The following EPB41 variants were observed in gnomAD, a reference collection of about 807,000 sequenced individuals.
EPB41 encodes erythrocyte membrane protein band 4.1, also known as protein 4.1.
Under a neutral mutation model 108.0 loss-of-function variants are expected in EPB41, and 65 were observed. The observed-to-expected ratio is 0.60, with a 90% CI of 0.49 to 0.74. The LOEUF (loss-of-function observed/expected upper bound fraction) is 0.74. EPB41 is among the 30% of genes least tolerant of loss of function. The probability of loss-of-function intolerance (pLI) is 0.00; values close to 1 mark genes in which losing one functional copy is unlikely to be tolerated. For synonymous variants in EPB41, 336 were observed against 358.9 expected, an observed-to-expected ratio of 0.94 and a Z score of 0.72; for missense variants, 875 against 1,037.0, an observed-to-expected ratio of 0.84 and a Z score of 2.15.
rs1054794144 is a variant in EPB41 at position 29,018,562 on chromosome 1, T to C, written c.1124+120T>C. The C allele has an allele frequency of 9.5e-7, 1 of 1,048,802 alleles. No homozygotes were observed. Among genetic ancestry groups the C allele is most frequent in the Non-Finnish European group, 1.5e-6 (1 of 682,542 alleles). 65.0% of individuals were successfully genotyped at this position (1,048,802 alleles called of 1,614,324 possible). A position where few individuals can be genotyped will look rare whatever the true frequency, so the allele number is the denominator to read the frequency against. ...GGTGCCATAGAAAGAGTCAGTTTCC[T>C]CCACTGTTTGACTTTGGGCAGGTTA... On this transcript the variant is annotated intron_variant, in intron 7 of 20. Transcript: ENST00000343067. This position sits in a 1 kb window ranked among gnomAD's most constrained non-coding sequence, Gnocchi z 4.4.
intron 1 of EPB41, among the ~76,000 whole-genome samples, chr1:28,958,081 T>G (rs1000290542): frequency 2.0e-5 from 3 of 152,118 alleles, no homozygotes; most frequent in South Asian, 4.1e-4. Context: ...TTCCAAAGTG[T>G]TGGGATTATA....
chr1:28,905,505 A>AC (rs1380357081), intron 1 of EPB41, among the ~76,000 whole-genome samples: 2 of 151,730 alleles, frequency 1.3e-5, no homozygotes, highest in Admixed American at 6.6e-5. Context: ...CAAAAAAAAA[A>AC]AACAACAAAA....
chr1:29,047,035 T>C (rs1643425913), intron 11 of EPB41, among the ~76,000 whole-genome samples: 2 of 152,078 alleles, frequency 1.3e-5, no homozygotes, highest in African/African-American at 4.8e-5. Context: ...AATTCCTTCT[T>C]TTTCTGTTCT....
At chr1:29,008,463 C>T (rs557678127) in intron 4 of EPB41, among the ~76,000 whole-genome samples, 1 of 152,262 alleles carries the variant, frequency 6.6e-6, no homozygotes, top group Non-Finnish European at 1.5e-5. Flanking sequence ...CTCAGAAACA[C>T]TGTCTTATGT....
intron 4 of EPB41, among the ~76,000 whole-genome samples, chr1:29,000,523 T>G (rs1052683114): frequency 6.6e-6 from 1 of 152,260 alleles, no homozygotes; most frequent in Non-Finnish European, 1.5e-5. Context: ...AACCTGGCTG[T>G]GTAAGAAAAG....
At chr1:28,915,919 G>T (rs2092623489) in intron 1 of EPB41, among the ~76,000 whole-genome samples, 1 of 151,908 alleles carries the variant, frequency 6.6e-6, no homozygotes, top group African/African-American at 2.4e-5. Context: ...TGTATTCTCA[G>T]TCCTGGCAAA....
chr1:28,898,927 G>A (rs1484169201), intron 1 of EPB41, among the ~76,000 whole-genome samples: 1 of 151,686 alleles, frequency 6.6e-6, no homozygotes, highest in Non-Finnish European at 1.5e-5. Flanking sequence ...CTTTTTTTCT[G>A]GTGCTTTCGT....
At chr1:28,952,837 A>T (rs2094789633) in intron 1 of EPB41, among the ~76,000 whole-genome samples, 1 of 152,156 alleles carries the variant, frequency 6.6e-6, no homozygotes, top group South Asian at 2.1e-4. Flanking sequence ...CTAGAGATTT[A>T]ACTTGTCTTT....
At chr1:29,033,696 T>C (rs926956685) in intron 9 of EPB41, among the ~76,000 whole-genome samples, 10 of 152,186 alleles carry the variant, frequency 6.6e-5, no homozygotes, top group Non-Finnish European at 8.8e-5. Flanking sequence ...TCTAGATTTT[T>C]AATAAGAGTT....
intron 7 of EPB41, among the ~76,000 whole-genome samples, chr1:29,020,252 A>G (rs553672190): frequency 8.0e-4 from 122 of 151,958 alleles, no homozygotes; most frequent in African/African-American, 2.9e-3. Flanking sequence ...TATTTTTAGT[A>G]GAGACGGGGT....
At chr1:29,072,266 A>G (rs1043253541) in intron 16 of EPB41, 3 of 152,172 alleles carry the variant, frequency 2.0e-5, no homozygotes, top group Non-Finnish European at 4.4e-5. Context: ...GCTGTTCTCT[A>G]CCACAGAAAG....
At chr1:28,987,029 G>A (rs1265476698) in intron 1 of EPB41, among the ~76,000 whole-genome samples, 1 of 152,150 alleles carries the variant, frequency 6.6e-6, no homozygotes, top group Non-Finnish European at 1.5e-5. Context: ...GAATTTTGCA[G>A]GGAATAATTC....
At chr1:29,009,025 T>C (rs897794917) in intron 4 of EPB41, among the ~76,000 whole-genome samples, 1 of 152,198 alleles carries the variant, frequency 6.6e-6, no homozygotes, top group African/African-American at 2.4e-5. Context: ...ATCATAGCAC[T>C]AGCACATATT....
chr1:28,985,119 A>G (rs2095845074), intron 1 of EPB41, among the ~76,000 whole-genome samples: 1 of 151,938 alleles, frequency 6.6e-6, no homozygotes, highest in Non-Finnish European at 1.5e-5. Flanking sequence ...GCCTGCCACC[A>G]TGCCCGGCTA....
At chr1:29,014,041 T>C (rs1226811314) in intron 5 of EPB41, among the ~76,000 whole-genome samples, 1 of 151,922 alleles carries the variant, frequency 6.6e-6, no homozygotes, top group Non-Finnish European at 1.5e-5. Context: ...ATATGGCCAG[T>C]TGCAGTGGCT....
chr1:28,896,824 G>GAAGT (rs1461432599), intron 1 of EPB41, among the ~76,000 whole-genome samples: 1 of 67,044 alleles, frequency 1.5e-5, no homozygotes, highest in Non-Finnish European at 3.1e-5. Context: ...GGGATAAGGA[G>GAAGT]CAGCGATGTG....
intron 1 of EPB41, among the ~76,000 whole-genome samples, chr1:28,894,534 G>T (rs2090461718): frequency 6.6e-5 from 10 of 152,184 alleles, no homozygotes; most frequent in Admixed American, 6.6e-4. Context: ...TCAGCACAGA[G>T]AGGGGCCTGG....
At chr1:29,088,342 C>T (rs1049008234) in intron 16 of EPB41, among the ~76,000 whole-genome samples, 9 of 152,224 alleles carry the variant, frequency 5.9e-5, no homozygotes, top group South Asian at 2.1e-4. Context: ...CCCCTGCACC[C>T]GGCCAGCATC....
At chr1:28,987,236 G>A (rs1047983517) in intron 1 of EPB41, among the ~76,000 whole-genome samples, 195 bp from the exon 2 acceptor site, 1 of 152,034 alleles carries the variant, frequency 6.6e-6, no homozygotes, top group African/African-American at 2.4e-5. Context: ...GTGACTCAAG[G>A]CATTAATATT....
Sources: allele counts gnomAD v4.1 joint callset (sites outside exome capture counted in the v4.1 genomes callset), GRCh38; gene constraint gnomAD v4.1.1; non-coding constraint Gnocchi (gnomAD v3.1); transcripts MANE v1.5; gene names NCBI Gene and HGNC (gene_info 2026-07-23, HGNC 2026-07-21).